Variants in BRAF observed in about 807,000 individuals in gnomAD.
BRAF encodes the protein serine/threonine-protein kinase B-raf.
A neutral mutation model predicts 104.6 loss-of-function variants in BRAF; 16 were observed. The ratio of observed to expected loss-of-function variants is 0.15; its 90% CI spans 0.10 to 0.23. The LOEUF is 0.23. Ranked by LOEUF, BRAF falls within the 10% of genes least tolerant of loss-of-function variation. BRAF has a pLI of 1.00. For synonymous variants in BRAF, 310 were observed against 341.6 expected, an observed-to-expected ratio of 0.91 and a Z score of 1.02; for missense variants, 541 against 937.3, an observed-to-expected ratio of 0.58 and a Z score of 5.52.
At chr7:140,903,734 G>C (rs1586603988) in intron 1 of BRAF, among the ~76,000 whole-genome samples, 1 of 152,196 alleles carries the variant, frequency 6.6e-6, no homozygotes, top group African/African-American at 2.4e-5. Context: ...AAGAACATTT[G>C]TAATTCATGG....
chr7:140,784,706 G>A lies in BRAF; in HGVS notation c.1297+983C>T, dbSNP rs1801183950. ...GTCACCCAGGCTGGAGTACAATGGT[G>A]TGATCTCGGCTCACTGCAACCTCCG... On this transcript the variant is annotated intron_variant, in intron 10 of 19. Coordinates refer to ENST00000644969, the MANE Select transcript of BRAF (RefSeq NM_001374258.1). Among the ~76,000 whole-genome samples, 5 of 151,818 alleles carry A rather than the reference G, an allele frequency of 3.3e-5. No individual in the cohort carries two copies. The South Asian group carries it at 1.0e-3, about 31-fold the overall frequency.
At chr7:140,867,813 T>C (rs1811142506) in intron 1 of BRAF, among the ~76,000 whole-genome samples, 1 of 152,158 alleles carries the variant, frequency 6.6e-6, no homozygotes, top group Non-Finnish European at 1.5e-5. Context: ...TGACCCCCAA[T>C]TAATGGCTTC....
chr7:140,740,071 T>A, intron 17 of BRAF, 125 bp from the exon 17 acceptor site: 2 of 1,019,432 alleles, frequency 2.0e-6, no homozygotes, highest in South Asian at 3.2e-5. Context: ...TACACCTCAA[T>A]AAAAAGTTTT....
chr7:140,889,270 T>C (rs918834098), intron 1 of BRAF, among the ~76,000 whole-genome samples: 3 of 152,244 alleles, frequency 2.0e-5, no homozygotes, highest in African/African-American at 7.2e-5. Flanking sequence ...TATGAATTTG[T>C]ACACACTATT....
downstream of BRAF, among the ~76,000 whole-genome samples, chr7:140,716,893 T>C (rs1414559726): frequency 1.3e-5 from 2 of 152,244 alleles, no homozygotes; most frequent in African/African-American, 4.8e-5. Context: ...CCCTGTCGCC[T>C]GCTGCAACCA....
At chr7:140,782,463 C>CAAA (rs56390228) in intron 11 of BRAF, among the ~76,000 whole-genome samples, 1,514 of 103,546 alleles carry the variant, frequency 0.015, 38 homozygotes, top group African/African-American at 0.04. Flanking sequence ...TCGGTCTTTC[C>CAAA]AAAAAAAAAA....
At chr7:140,716,056 G>C (rs1051272228), downstream of BRAF, among the ~76,000 whole-genome samples, 2 of 152,128 alleles carry the variant, frequency 1.3e-5, no homozygotes, top group African/African-American at 4.8e-5. Context: ...AAATATACTT[G>C]TGTACACATA....
downstream of BRAF, among the ~76,000 whole-genome samples, chr7:140,715,605 A>G (rs1225515242): frequency 6.6e-6 from 1 of 152,224 alleles, no homozygotes; most frequent in Non-Finnish European, 1.5e-5. Context: ...TTTAAAGAAT[A>G]AGGAGGCCAT....
At chr7:140,862,732 G>A (rs573970435) in intron 1 of BRAF, among the ~76,000 whole-genome samples, 1 of 152,158 alleles carries the variant, frequency 6.6e-6, no homozygotes, top group African/African-American at 2.4e-5. Context: ...GGTGGGAACA[G>A]AGAATGACTG....
At chr7:140,880,330 A>C (rs1812762223) in intron 1 of BRAF, among the ~76,000 whole-genome samples, 2 of 152,226 alleles carry the variant, frequency 1.3e-5, no homozygotes, top group African/African-American at 4.8e-5. Context: ...TCATTTCTTC[A>C]AGTTTTACCA....
chr7:140,768,225 TATA>T (rs1290230547), intron 14 of BRAF, among the ~76,000 whole-genome samples: 2 of 150,636 alleles, frequency 1.3e-5, no homozygotes, highest in African/African-American at 4.9e-5. Context: ...CTGAATTTCC[TATA>T]ATGATTACAT....
intron 14 of BRAF, among the ~76,000 whole-genome samples, chr7:140,765,247 T>C (rs1184871803): frequency 2.0e-5 from 3 of 152,200 alleles, no homozygotes; most frequent in Non-Finnish European, 2.9e-5. Context: ...GCTAGCCATA[T>C]GTAGAAAGCT....
chr7:140,912,608 A>G (rs1223477921), intron 1 of BRAF, among the ~76,000 whole-genome samples: 1 of 151,992 alleles, frequency 6.6e-6, no homozygotes, highest in East Asian at 1.9e-4. Flanking sequence ...CTCTGGCCCC[A>G]TTTCTCTGTT....
Position 140,798,550 on chromosome 7 carries a change from G to A in BRAF, c.980+1812C>T, listed in dbSNP as rs1046366661. Among the ~76,000 whole-genome samples, 55 of 146,718 alleles carry A rather than the reference G, an allele frequency of 3.7e-4. No individual in the cohort carries two copies. Among genetic ancestry groups the A allele is most frequent in the South Asian group, 1.5e-3 (7 of 4,540 alleles). ...GCTGGGATTACAGGAGTGAGCCACC[G>A]CGCCCGGCCTTTTTTTTTTTTTTTT... On this transcript the variant is annotated intron_variant, in intron 7 of 19. Transcript: ENST00000644969.
Position 140,726,182 on chromosome 7 carries a change from G to C in BRAF, c.*312C>G. 1 of 1,180,864 alleles carries C rather than the reference G, an allele frequency of 8.5e-7. No homozygotes were observed. Among genetic ancestry groups the C allele is most frequent in the Non-Finnish European group, 1.0e-6 (1 of 954,354 alleles). 73.1% of individuals were successfully genotyped at this position (1,180,864 alleles called of 1,614,324 possible). A position where few individuals can be genotyped will look rare whatever the true frequency, so the allele number is the denominator to read the frequency against. ...GCAAATCTCCCAAGCTGTAGCAGCA[G>C]TTTCTTTCCATCATGCCTGACCATC... On this transcript the variant is annotated 3_prime_UTR_variant, in exon 20 of 20. Coordinates refer to ENST00000644969, the MANE Select transcript of BRAF (RefSeq NM_001374258.1).
At chr7:140,908,089 A>G (rs1183020376) in intron 1 of BRAF, among the ~76,000 whole-genome samples, 1 of 152,182 alleles carries the variant, frequency 6.6e-6, no homozygotes, top group East Asian at 1.9e-4. Flanking sequence ...GTTTGTCTCC[A>G]ATTCTTTAAA....
At chr7:140,729,152 T>C (rs1795788037) in intron 19 of BRAF, among the ~76,000 whole-genome samples, 1 of 151,832 alleles carries the variant, frequency 6.6e-6, no homozygotes, top group Non-Finnish European at 1.5e-5. Flanking sequence ...GGAGGATCAC[T>C]TGAGACCAGC....
intron 14 of BRAF, among the ~76,000 whole-genome samples, chr7:140,767,268 T>C (rs1799422744): frequency 6.6e-6 from 1 of 152,092 alleles, no homozygotes; most frequent in Admixed American, 6.5e-5. Flanking sequence ...CTTCCCGAAG[T>C]GTTGGGATTA....
At chr7:140,892,230 T>C (rs1814313372) in intron 1 of BRAF, among the ~76,000 whole-genome samples, 1 of 151,994 alleles carries the variant, frequency 6.6e-6, no homozygotes, top group Non-Finnish European at 1.5e-5. Flanking sequence ...CACTCCAGCC[T>C]GGGTGAGAGA....
Sources: gnomAD v4.1 joint callset for allele counts (sites outside exome capture counted in the v4.1 genomes callset) on GRCh38, gnomAD v4.1.1 for gene constraint, MANE v1.5 for transcripts, NCBI Gene and HGNC (gene_info 2026-07-23, HGNC 2026-07-21) for gene names.